Variants in FAF1 observed in about 807,000 individuals in gnomAD.
FAF1 encodes FAS-associated factor 1.
A neutral mutation model predicts 92.5 loss-of-function variants in FAF1; 25 were observed. The observed-to-expected ratio is 0.27, with a 90% CI of 0.20 to 0.38. The LOEUF is 0.38. Among genes scored for constraint, FAF1 ranks in the 10% least tolerant of loss-of-function variants. FAF1 has a pLI of 1.00. For missense variants in FAF1, 636 were observed against 793.3 expected (o/e 0.80, Z 2.38); for synonymous variants, 234 against 273.2 (o/e 0.86, Z 1.42).
chr1:50,582,695 C>T lies in FAF1; in HGVS notation c.1036G>A (p.Gly346Ser). ...QFTAEFSSRYGDCHPVFFIGS... is the reference protein window; with the variant it reads ...QFTAEFSSRYSDCHPVFFIGS... The stretch of plus-strand genomic sequence containing the variant: ...ATAAAAAATACAGGATGGCAATCAC[C>T]ATATCTATAGGAAAAAGTGAGTCTA... Residue 346 changes from glycine (G) to serine (S), a missense_variant, in exon 12 of 19, where the codon GGT (glycine) becomes AGT (serine). This residue lies in a region of FAF1 where 319 missense variants were observed against 451.0 expected (regional missense o/e 0.71). Coordinates refer to ENST00000396153, the MANE Select transcript of FAF1 (RefSeq NM_007051.3). 2 of 1,598,940 alleles carry T rather than the reference C, an allele frequency of 1.3e-6. No homozygotes were observed. Among genetic ancestry groups the T allele is most frequent in the African/African-American group, 1.3e-5 (1 of 74,726 alleles).
chr1:50,782,175 T>A (rs1035646059), intron 4 of FAF1, among the ~76,000 whole-genome samples: 1 of 152,192 alleles, frequency 6.6e-6, no homozygotes, highest in Non-Finnish European at 1.5e-5. Flanking sequence ...AGTATACACT[T>A]TCTTTTTGTT....
chr1:50,617,490 G>A (rs1216676772), intron 8 of FAF1, among the ~76,000 whole-genome samples: 1 of 152,144 alleles, frequency 6.6e-6, no homozygotes, highest in East Asian at 1.9e-4. Flanking sequence ...GCATCCCAGG[G>A]ATAAAGCCTA....
At chr1:50,631,995 A>C (rs1653811089) in intron 8 of FAF1, among the ~76,000 whole-genome samples, 1 of 152,204 alleles carries the variant, frequency 6.6e-6, no homozygotes, top group Non-Finnish European at 1.5e-5. Context: ...ACAGATGTAC[A>C]TGTATATGAA....
At chr1:50,548,819 T>C (rs1481990647) in intron 13 of FAF1, among the ~76,000 whole-genome samples, 3 of 152,260 alleles carry the variant, frequency 2.0e-5, no homozygotes, top group Admixed American at 2.0e-4. Context: ...AGCATAGTAT[T>C]GTGGGAAGAA....
intron 1 of FAF1, among the ~76,000 whole-genome samples, chr1:50,888,147 A>G (rs919960504): frequency 2.0e-5 from 3 of 152,158 alleles, no homozygotes; most frequent in Non-Finnish European, 2.9e-5. Flanking sequence ...GCAATTGTGA[A>G]TGGGAGTTCA....
intron 4 of FAF1, among the ~76,000 whole-genome samples, chr1:50,782,081 T>C (rs568858917): frequency 6.6e-6 from 1 of 152,376 alleles, no homozygotes; most frequent in African/African-American, 2.4e-5. Flanking sequence ...TAGAATCGTA[T>C]ATAGTACATA....
chr1:50,607,387 T>G (rs973319887), intron 8 of FAF1, among the ~76,000 whole-genome samples: 1 of 152,184 alleles, frequency 6.6e-6, no homozygotes, highest in Admixed American at 6.5e-5. Context: ...AAAATTGGAC[T>G]AGATGATTCT....
At chr1:50,952,637 GGCC>G (rs1645226285) in intron 1 of FAF1, among the ~76,000 whole-genome samples, 1 of 151,610 alleles carries the variant, frequency 6.6e-6, no homozygotes, top group African/African-American at 2.4e-5. Flanking sequence ...GCCTCTTCCC[GGCC>G]GCCATCCCGT....
chr1:50,638,784 G>A (rs541175653), intron 8 of FAF1, among the ~76,000 whole-genome samples: 1 of 152,164 alleles, frequency 6.6e-6, no homozygotes, highest in Admixed American at 6.5e-5. Context: ...TCAGGCTGGG[G>A]AAATTCTTCT....
chr1:50,697,513 C>A (rs1031668448), intron 7 of FAF1, among the ~76,000 whole-genome samples: 1 of 152,016 alleles, frequency 6.6e-6, no homozygotes, highest in African/African-American at 2.4e-5. Flanking sequence ...GCTACAGGGC[C>A]GTATATAGGA....
chr1:50,660,957 C>A (rs1036747114), intron 7 of FAF1, among the ~76,000 whole-genome samples: 1 of 151,828 alleles, frequency 6.6e-6, no homozygotes, highest in Admixed American at 6.6e-5. Flanking sequence ...TGGAGTTAAT[C>A]CTAGGTACAG....
At chr1:50,661,852 C>A (rs12098132) in intron 7 of FAF1, among the ~76,000 whole-genome samples, 12,676 of 152,170 alleles carry the variant, frequency 0.083, 566 homozygotes, top group East Asian at 0.091. Flanking sequence ...ATACCTAAGG[C>A]CTTCTTTTCC....
intron 1 of FAF1, among the ~76,000 whole-genome samples, chr1:50,904,949 C>T (rs1644823999): frequency 1.3e-5 from 2 of 150,652 alleles, no homozygotes. Context: ...AGGTTTGTTA[C>T]ATATCTATAC....
chr1:50,875,760 T>TA (rs1283880556), intron 1 of FAF1, among the ~76,000 whole-genome samples: 1 of 152,130 alleles, frequency 6.6e-6, no homozygotes, highest in African/African-American at 2.4e-5. Flanking sequence ...CTCTAATACA[T>TA]ACATTCTTAT....
intron 1 of FAF1, among the ~76,000 whole-genome samples, chr1:50,872,261 T>G (rs1167331504): frequency 6.6e-6 from 1 of 152,066 alleles, no homozygotes; most frequent in African/African-American, 2.4e-5. Flanking sequence ...GAGAAGTTGA[T>G]TCTCACCCTT....
intron 1 of FAF1, among the ~76,000 whole-genome samples, chr1:50,953,155 G>A (rs1276265593): frequency 2.0e-5 from 3 of 152,034 alleles, no homozygotes; most frequent in Middle Eastern, 3.2e-3. Context: ...GATTAAGGGC[G>A]GTGCAAGATG....
intron 18 of FAF1, among the ~76,000 whole-genome samples, chr1:50,464,029 A>G (rs955539887): frequency 5.3e-5 from 8 of 152,178 alleles, no homozygotes; most frequent in Non-Finnish European, 1.2e-4. Flanking sequence ...GTCATCCTAT[A>G]CACCCAGAGG....
chr1:50,509,188 C>T (rs1647100535), intron 15 of FAF1, among the ~76,000 whole-genome samples: 1 of 152,126 alleles, frequency 6.6e-6, no homozygotes, highest in African/African-American at 2.4e-5. Flanking sequence ...GAATGAAGTG[C>T]TGATACTTTA....
At chr1:50,549,810 A>G (rs12122555) in intron 13 of FAF1, among the ~76,000 whole-genome samples, 14,093 of 151,770 alleles carry the variant, frequency 0.093, 839 homozygotes, top group African/African-American at 0.17. Flanking sequence ...ATTAAGAGAC[A>G]CAGACTTGCT....
Sources: gnomAD v4.1 joint callset for allele counts (sites outside exome capture counted in the v4.1 genomes callset) on GRCh38, gnomAD v4.1.1 for gene constraint, gnomAD v4.1.1 regional missense constraint, MANE v1.5 for transcripts, NCBI Gene and HGNC (gene_info 2026-07-23, HGNC 2026-07-21) for gene names.